Variants in UPF1 observed in about 807,000 individuals in gnomAD.
The protein encoded by UPF1 is regulator of nonsense transcripts 1.
A neutral mutation model predicts 129.2 loss-of-function variants in UPF1; 9 were observed. The observed-to-expected ratio is 0.07, with a 90% CI of 0.04 to 0.12. The LOEUF (loss-of-function observed/expected upper bound fraction) is 0.12, where lower values mean the gene tolerates loss of function less well. Ranked by LOEUF, UPF1 falls within the 10% of genes least tolerant of loss-of-function variation. UPF1 has a pLI of 1.00. For synonymous variants in UPF1, 649 were observed against 644.9 expected, an observed-to-expected ratio of 1.01 and a Z score of -0.10; for missense variants, 788 against 1,525.3, an observed-to-expected ratio of 0.52 and a Z score of 8.05.
chr19:18,846,493 A>G (rs2055601407), intron 2 of UPF1, among the ~76,000 whole-genome samples: 1 of 152,010 alleles, frequency 6.6e-6, no homozygotes, highest in Non-Finnish European at 1.5e-5. Flanking sequence ...TACCCTCACA[A>G]AGCAGTTGCT....
chr19:18,858,648 T>TC (rs2055744109), intron 15 of UPF1, among the ~76,000 whole-genome samples: 1 of 151,870 alleles, frequency 6.6e-6, no homozygotes, highest in Non-Finnish European at 1.5e-5. Context: ...AGGCCTGGCT[T>TC]CCCCACAGCG....
In UPF1 at chr19:18,836,882, T is replaced by A. The variant is rs188446394; in HGVS notation, c.231+4442T>A. Among the ~76,000 whole-genome samples, 42 of 151,374 alleles carry A rather than the reference T, an allele frequency of 2.8e-4. No homozygotes were observed. In the East Asian group the frequency reaches 8.0e-3, roughly 29 times the overall value. On this transcript the variant is annotated intron_variant, in intron 1 of 23. Coordinates refer to ENST00000262803, the MANE Select transcript of UPF1 (RefSeq NM_002911.4). ...GATTCTCCTGCCCTAGCCTCTCGAGTAGCTGGGACTACAGGTGTGTGCTAC... is the reference window on the plus strand; with the variant it reads ...GATTCTCCTGCCCTAGCCTCTCGAGAAGCTGGGACTACAGGTGTGTGCTAC...
At chr19:18,845,593 CTTA>C in intron 1 of UPF1, among the ~76,000 whole-genome samples, 1 of 152,250 alleles carries the variant, frequency 6.6e-6, no homozygotes, top group Non-Finnish European at 1.5e-5. Flanking sequence ...TTTGATGAGC[CTTA>C]CACTGTGGTG....
At chr19:18,843,695 G>GAT (rs2055566542) in intron 1 of UPF1, among the ~76,000 whole-genome samples, 1 of 150,358 alleles carries the variant, frequency 6.7e-6, no homozygotes, top group Non-Finnish European at 1.5e-5. Flanking sequence ...GTAGAGATGG[G>GAT]GTTTTGCCAT....
At chr19:18,842,515 T>C (rs769485699) in intron 1 of UPF1, among the ~76,000 whole-genome samples, 108 of 151,978 alleles carry the variant, frequency 7.1e-4, no homozygotes, top group African/African-American at 2.5e-3. Flanking sequence ...TTCTGTAGCT[T>C]TGGAATTTTT....
chr19:18,860,244 C>G (rs2055763147), intron 15 of UPF1, 77 bp from the exon 16 acceptor site: 3 of 1,464,420 alleles, frequency 2.0e-6, no homozygotes. Context: ...AGCGTAGCAA[C>G]TACATTGCCC....
intron 16 of UPF1, 79 bp from the exon 17 acceptor site, chr19:18,860,747 C>T (rs1325740974): frequency 6.4e-7 from 1 of 1,571,614 alleles, no homozygotes; most frequent in Non-Finnish European, 8.6e-7. Context: ...GGTGTTGTGT[C>T]TGCACCCCTC....
At chr19:18,857,677 AGGTCTTGATGGTAT>A (rs1164233774) in intron 15 of UPF1, 144 bp downstream of exon 15, 1 of 947,450 alleles carries the variant, frequency 1.1e-6, no homozygotes, top group Non-Finnish European at 1.6e-6. Context: ...TTTGTGCCCA[AGGTCTTGATGGTAT>A]GGTCTTGGAT....
chr19:18,861,837 AAAAC>A (rs1310146394), intron 17 of UPF1, among the ~76,000 whole-genome samples, 169 bp from the exon 18 acceptor site: 1 of 152,174 alleles, frequency 6.6e-6, no homozygotes, highest in Non-Finnish European at 1.5e-5. Context: ...CTAAAAAAAG[AAAAC>A]AAAACGAAAT....
chr19:18,860,065 C>T (rs2055760913), intron 15 of UPF1: 1 of 464,872 alleles, frequency 2.2e-6, no homozygotes, highest in Admixed American at 3.8e-5. Flanking sequence ...TGGCTGAGAC[C>T]CTGTTCCCTG....
Position 18,846,007 on chromosome 19 carries a change from G to C in UPF1, c.259G>C (p.Gly87Arg). 2 of 1,614,138 alleles carry C rather than the reference G, an allele frequency of 1.2e-6. No individual in the cohort carries two copies. The highest frequency in any genetic ancestry group is 8.5e-7 in the Non-Finnish European group (1 of 1,180,028). ...TGGGCCCGAAGGCATCCTGCAGAAC[G>C]GGGCTGTGGACGACAGTGTAGCCAA... ...QVGPEGILQNGAVDDSVAKTS... is the reference protein window; with the variant it reads ...QVGPEGILQNRAVDDSVAKTS... The change falls in exon 2 of 24, where the codon GGG becomes CGG. Residue 87 changes from glycine to arginine, a missense_variant. By Grantham distance (125) the Gly-to-Arg change is moderately radical. Transcript: ENST00000262803.
chr19:18,838,551 G>A (rs1051983888), intron 1 of UPF1, among the ~76,000 whole-genome samples: 1 of 152,204 alleles, frequency 6.6e-6, no homozygotes, highest in African/African-American at 2.4e-5. Context: ...GGGAGGCTGA[G>A]GCAGGAGAAT....
chr19:18,853,417 C>T lies in UPF1; in HGVS notation c.1156+67C>T. ...GGAAAGTGGGGGCATCAGGTGGAGG[C>T]CACTGTGGATTTGATGCTCACTGCT... On this transcript the variant is annotated intron_variant, in intron 8 of 23. Coordinates refer to ENST00000262803, the MANE Select transcript of UPF1 (RefSeq NM_002911.4). This position sits in a 1 kb window ranked among gnomAD's most constrained non-coding sequence, Gnocchi z 4.4. The T allele has an allele frequency of 6.9e-7, 1 of 1,451,638 alleles. No homozygotes were observed. The highest frequency in any genetic ancestry group is 2.4e-5 in the East Asian group (1 of 42,018). The allele number at this position is 1,451,638 out of a possible 1,614,324, so 89.9% of individuals were successfully genotyped here.
At chr19:18,838,892 G>T (rs914767485) in intron 1 of UPF1, among the ~76,000 whole-genome samples, 1 of 152,152 alleles carries the variant, frequency 6.6e-6, no homozygotes, top group Non-Finnish European at 1.5e-5. Context: ...GTGAATACAC[G>T]AAACAATTTC....
chr19:18,856,802 T>G (rs772842327), intron 13 of UPF1, 75 bp from the exon 14 acceptor site: 166 of 1,528,870 alleles, frequency 1.1e-4, no homozygotes, highest in Admixed American at 4.8e-4. Context: ...GCTTCTGTGT[T>G]CTGTCCCACC....
At position 18,850,228 on chromosome 19, in the gene UPF1, G is replaced by A. The variant is rs1369800036; in HGVS notation, c.615G>A (p.Val205=). 1.9e-6 allele frequency: 3 copies of A among 1,609,730 alleles called. No individual in the cohort carries two copies. The highest frequency in any genetic ancestry group is 2.5e-6 in the Non-Finnish European group (3 of 1,177,826). Residue 205 remains valine, a synonymous_variant, in exon 4 of 24, where the codon GTG becomes GTA. Transcript: ENST00000262803. The surrounding 1 kb of genome is among the most constrained non-coding windows in gnomAD (Gnocchi z 7.1). ...TCCCGGCCAAAGCTGACTCAGTGGT[G>A]GTGCTGCTGTGCAGGTGAGTGGTCC... is the stretch of plus-strand genomic sequence containing the variant. ...GFIPAKADSV[V]VLLCRQPCAS...
chr19:18,865,493 C>T lies in UPF1; in HGVS notation c.3019+43C>T, dbSNP rs2055832591. 1.2e-6 allele frequency: 2 copies of T among 1,612,080 alleles called. No homozygotes were observed. Among genetic ancestry groups the T allele is most frequent in the East Asian group, 4.5e-5 (2 of 44,830 alleles). On this transcript the variant is annotated intron_variant, in intron 21 of 23. Transcript: ENST00000262803. The surrounding 1 kb of genome is among the most constrained non-coding windows in gnomAD (Gnocchi z 6.1). ...CGGCTGGGTGTGGCCCTCCTGAGAG[C>T]TCTTGAGGGTGTGCTTGTCTGCGAG...
chr19:18,849,707 T>TCGG, intron 3 of UPF1: 1 of 232,992 alleles, frequency 4.3e-6, no homozygotes, highest in Non-Finnish European at 8.5e-6. Context: ...GGGGTTGACC[T>TCGG]TGGAAAGAAG....
rs1209305836 is a variant in UPF1 at position 18,865,525 on chromosome 19, G to T, written c.3020-36G>T. 1 of 1,613,198 alleles carries T rather than the reference G, an allele frequency of 6.2e-7. No individual in the cohort carries two copies. Among genetic ancestry groups the T allele is most frequent in the South Asian group, 1.1e-5 (1 of 91,068 alleles). The stretch of plus-strand genomic sequence containing the variant: ...GGGTGTGCTTGTCTGCGAGGCCCTG[G>T]CCTCCTTCGGATCACCCTGGACTGC... On this transcript the variant is annotated intron_variant, in intron 21 of 23. Transcript: ENST00000262803. The surrounding 1 kb of genome is among the most constrained non-coding windows in gnomAD (Gnocchi z 6.1).
Sources: allele counts gnomAD v4.1 joint callset (sites outside exome capture counted in the v4.1 genomes callset), GRCh38; gene constraint gnomAD v4.1.1; non-coding constraint Gnocchi (gnomAD v3.1); transcripts MANE v1.5; gene names NCBI Gene and HGNC (gene_info 2026-07-23, HGNC 2026-07-21).